The following RUNX1T1 variants were observed in gnomAD, a reference collection of about 807,000 sequenced individuals.
RUNX1T1 encodes the protein RUNX1 partner transcriptional co-repressor 1, also known as protein CBFA2T1.
RUNX1T1 carries 4 observed loss-of-function variants against 62.8 expected under a neutral mutation model. That is an observed-to-expected ratio of 0.06 (90% CI 0.03 to 0.15). The LOEUF (loss-of-function observed/expected upper bound fraction) is 0.15, where lower values mean the gene tolerates loss of function less well. Ranked by LOEUF, RUNX1T1 falls within the 10% of genes least tolerant of loss-of-function variation. The probability of loss-of-function intolerance (pLI) is 1.00; values close to 1 mark genes in which losing one functional copy is unlikely to be tolerated. For missense variants in RUNX1T1, 508 were observed against 754.3 expected (o/e 0.67, Z 3.82); for synonymous variants, 291 against 286.0 (o/e 1.02, Z -0.18).
intron 2 of RUNX1T1, among the ~76,000 whole-genome samples, chr8:92,070,109 C>T (rs2130715604): frequency 6.6e-6 from 1 of 152,320 alleles, no homozygotes; most frequent in East Asian, 1.9e-4. Context: ...TCTGACACCA[C>T]CTGCAAACCA....
chr8:91,990,636 G>C (rs1198244620), intron 6 of RUNX1T1, among the ~76,000 whole-genome samples: 1 of 148,538 alleles, frequency 6.7e-6, no homozygotes, highest in Non-Finnish European at 1.5e-5. Context: ...TCTTCAAAAT[G>C]CTTTACTACT....
chr8:91,982,705 G>C (rs1054877108), intron 8 of RUNX1T1, among the ~76,000 whole-genome samples: 25 of 152,108 alleles, frequency 1.6e-4, no homozygotes, highest in African/African-American at 5.3e-4. Flanking sequence ...GATACTTGGA[G>C]TTTTCCCTGG....
chr8:92,032,720 A>C (rs886747775), intron 1 of RUNX1T1, among the ~76,000 whole-genome samples: 1 of 152,142 alleles, frequency 6.6e-6, no homozygotes, highest in African/African-American at 2.4e-5. Context: ...TCAAGGCTCC[A>C]GTGAGCTATG....
chr8:92,021,987 G>A (rs11779617), intron 1 of RUNX1T1, among the ~76,000 whole-genome samples: 26,426 of 150,466 alleles, frequency 0.18, 2,522 homozygotes, highest in Non-Finnish European at 0.22. Flanking sequence ...CAACTGCCCC[G>A]AGCAACAGCC....
chr8:92,077,455 C>G (rs556020192), intron 1 of RUNX1T1, among the ~76,000 whole-genome samples: 1 of 152,094 alleles, frequency 6.6e-6, no homozygotes, highest in South Asian at 2.1e-4. Flanking sequence ...AGGGTGCACA[C>G]AGCGGGGAAG....
chr8:92,014,900 C>T (rs781583146), intron 2 of RUNX1T1, 80 bp from the exon 4 acceptor site: 22 of 1,345,240 alleles, frequency 1.6e-5, no homozygotes, highest in Middle Eastern at 2.6e-4. Flanking sequence ...AGTTTCCTAC[C>T]TTTTACATCT....
At chr8:91,973,637 C>G (rs1813316617) in intron 9 of RUNX1T1, among the ~76,000 whole-genome samples, 1 of 151,976 alleles carries the variant, frequency 6.6e-6, no homozygotes, top group African/African-American at 2.4e-5. Flanking sequence ...TTGCCCATAG[C>G]CAATTTTAGA....
intron 2 of RUNX1T1, among the ~76,000 whole-genome samples, chr8:92,074,525 TAAGCCCAAGCTTAATGTGG>T (rs1194573591): frequency 6.6e-6 from 1 of 152,212 alleles, no homozygotes; most frequent in African/African-American, 2.4e-5. Context: ...ACAGACACAT[TAAGCCCAAGCTTAATGTGG>T]AAGCCCAAAC....
intron 9 of RUNX1T1, among the ~76,000 whole-genome samples, chr8:91,973,330 G>T (rs1284629696): frequency 6.6e-6 from 1 of 151,694 alleles, no homozygotes; most frequent in South Asian, 2.1e-4. Context: ...AGGGAATCTA[G>T]GTGAAAGTTA....
intron 3 of RUNX1T1, among the ~76,000 whole-genome samples, 173 bp from the exon 5 acceptor site, chr8:92,011,264 T>G (rs1193125429): frequency 6.6e-6 from 1 of 152,208 alleles, no homozygotes; most frequent in African/African-American, 2.4e-5. Context: ...TCACACAGTT[T>G]ATTGCATCAC....
At chr8:92,069,274 A>T (rs985709619) in intron 2 of RUNX1T1, among the ~76,000 whole-genome samples, 4 of 152,208 alleles carry the variant, frequency 2.6e-5, no homozygotes, top group Non-Finnish European at 5.9e-5. Context: ...GAATTAAACT[A>T]TTTTACACAG....
chr8:92,030,857 A>G lies in RUNX1T1; in HGVS notation c.8-13494T>C, dbSNP rs967023437. ...CTTCAACCTGTCTGGCGTCTGACAC[A>G]GGCCTTCACATCTCATGCAACAAAT... On this transcript the variant is annotated intron_variant, in intron 1 of 10. Transcript: ENST00000396218. Among the ~76,000 whole-genome samples, 7 of 152,294 alleles carry G rather than the reference A, an allele frequency of 4.6e-5. No individual in the cohort carries two copies. The East Asian group carries it at 1.2e-3, about 25-fold the overall frequency.
At chr8:92,075,371 G>C (rs1315194173) in intron 2 of RUNX1T1, among the ~76,000 whole-genome samples, 1 of 152,216 alleles carries the variant, frequency 6.6e-6, no homozygotes, top group East Asian at 1.9e-4. Context: ...ACTTTAAGAA[G>C]TCTCTTGCCA....
At chr8:91,986,042 T>C in intron 8 of RUNX1T1, 82 bp downstream of exon 9, 1 of 972,750 alleles carries the variant, frequency 1.0e-6, no homozygotes, top group East Asian at 2.4e-5. Flanking sequence ...GCATATCCTT[T>C]AATTTTAAAA....
intron 1 of RUNX1T1, among the ~76,000 whole-genome samples, chr8:92,029,736 C>G (rs1825888952): frequency 6.6e-6 from 1 of 152,144 alleles, no homozygotes; most frequent in Non-Finnish European, 1.5e-5. Flanking sequence ...TTTACAACCT[C>G]TCACACCACA....
At chr8:92,014,282 T>TACACACAC (rs34477770) in intron 3 of RUNX1T1, among the ~76,000 whole-genome samples, 2 of 149,474 alleles carry the variant, frequency 1.3e-5, no homozygotes, top group Admixed American at 6.7e-5. Flanking sequence ...CACGTGCACA[T>TACACACAC]ACACACACAC....
chr8:92,049,513 A>T (rs930062926), intron 1 of RUNX1T1, among the ~76,000 whole-genome samples: 5 of 152,132 alleles, frequency 3.3e-5, no homozygotes, highest in African/African-American at 1.2e-4. Context: ...ACATCAAAAA[A>T]CATTTCAAGA....
intron 1 of RUNX1T1, among the ~76,000 whole-genome samples, chr8:92,051,580 T>A (rs573236304): frequency 6.7e-6 from 1 of 148,918 alleles, no homozygotes; most frequent in African/African-American, 2.5e-5. Context: ...ACACACACTC[T>A]CTCTCTCACA....
intron 5 of RUNX1T1, 89 bp from the exon 7 acceptor site, chr8:91,991,978 CAG>C (rs927781132): frequency 1.4e-5 from 20 of 1,415,214 alleles, no homozygotes; most frequent in Non-Finnish European, 1.9e-5. Flanking sequence ...GGAATAAAAA[CAG>C]AATATTTTTT....
Sources: allele counts gnomAD v4.1 joint callset (sites outside exome capture counted in the v4.1 genomes callset), GRCh38; gene constraint gnomAD v4.1.1; transcripts MANE v1.5; gene names NCBI Gene and HGNC (gene_info 2026-07-23, HGNC 2026-07-21).